Variants in EPB41 observed in about 807,000 individuals in gnomAD.
EPB41 encodes protein 4.1.
Under a neutral mutation model 108.0 loss-of-function variants are expected in EPB41, and 65 were observed. That is an observed-to-expected ratio of 0.60 (90% CI 0.49 to 0.74). EPB41 has a LOEUF of 0.74. Among genes scored for constraint, EPB41 ranks in the 30% least tolerant of loss-of-function variants. The probability of loss-of-function intolerance (pLI) is 0.00; values close to 1 mark genes in which losing one functional copy is unlikely to be tolerated. For synonymous variants in EPB41, 336 were observed against 358.9 expected (o/e 0.94, Z 0.72); for missense variants, 875 against 1,037.0 (o/e 0.84, Z 2.15).
chr1:28,890,983 G>T, intron 1 of EPB41: 1 of 985,480 alleles, frequency 1.0e-6, no homozygotes, highest in Non-Finnish European at 1.2e-6. Context: ...AACAAGCTGT[G>T]CTGCCTCTGT....
chr1:29,108,531 T>A (rs1343689340), intron 17 of EPB41, among the ~76,000 whole-genome samples: 1 of 151,978 alleles, frequency 6.6e-6, no homozygotes, highest in Non-Finnish European at 1.5e-5. Flanking sequence ...GAAGGAACTT[T>A]GTGCCCAGGG....
At chr1:29,096,833 G>GTCTT (rs56000641) in intron 16 of EPB41, 121,460 of 153,156 alleles carry the variant, frequency 0.79, 48,877 homozygotes, top group Non-Finnish European at 0.87. Flanking sequence ...CCAGCTGTCA[G>GTCTT]TATGAAGCTG....
At chr1:29,111,698 G>T (rs1411295855) in intron 18 of EPB41, among the ~76,000 whole-genome samples, 1 of 151,902 alleles carries the variant, frequency 6.6e-6, no homozygotes, top group East Asian at 1.9e-4. Context: ...AGTAATCAAG[G>T]CTGGATGTGG....
chr1:28,975,213 T>C (rs2095575920), intron 1 of EPB41, among the ~76,000 whole-genome samples: 1 of 152,130 alleles, frequency 6.6e-6, no homozygotes, highest in Admixed American at 6.5e-5. Context: ...ATTACAGGCG[T>C]GAGTTACCGT....
chr1:29,009,549 A>T (rs1391307142), intron 4 of EPB41, among the ~76,000 whole-genome samples: 1 of 152,202 alleles, frequency 6.6e-6, no homozygotes, highest in African/African-American at 2.4e-5. Context: ...ATGGTAAGAA[A>T]TACCTACTCC....
chr1:29,107,888 G>T (rs555067929), intron 17 of EPB41, among the ~76,000 whole-genome samples: 43 of 150,146 alleles, frequency 2.9e-4, no homozygotes, highest in Non-Finnish European at 5.0e-4. Context: ...AATTAGCCGG[G>T]CGTGGTGGCG....
At chr1:28,899,062 G>C (rs999404950) in intron 1 of EPB41, among the ~76,000 whole-genome samples, 1 of 152,152 alleles carries the variant, frequency 6.6e-6, no homozygotes, top group African/African-American at 2.4e-5. Context: ...ACGGACCTCA[G>C]ATCAAAGCAA....
At position 28,893,968 on chromosome 1, in the gene EPB41, G is replaced by A. The variant is rs1276147875; in HGVS notation, c.-8+6758G>A. The A allele has an allele frequency of 3.9e-5, 6 of 152,350 alleles. 1 individual carries two copies. In the South Asian group the frequency reaches 6.2e-4, roughly 16 times the overall value. 9.4% of individuals were successfully genotyped at this position (152,350 alleles called of 1,614,324 possible). On this transcript the variant is annotated intron_variant, in intron 1 of 16. Coordinates refer to the EPB41 transcript ENST00000347529. The stretch of plus-strand genomic sequence containing the variant: ...TGGAAATGCTGAGAGAGGGCACTCT[G>A]TGATTTTAGGATCCTACCATAAGCA...
chr1:28,934,667 TG>T (rs111820170), intron 1 of EPB41, among the ~76,000 whole-genome samples: 74 of 1,246 alleles, frequency 0.059, no homozygotes, highest in Non-Finnish European at 0.11. Context: ...CTTTTGACAT[TG>T]TGTGTGTGTG....
chr1:29,030,708 C>T (rs569535665), intron 8 of EPB41, among the ~76,000 whole-genome samples: 3 of 151,594 alleles, frequency 2.0e-5, no homozygotes, highest in East Asian at 3.9e-4. Context: ...TCCAGGAGAT[C>T]GAGCGTACAG....
In EPB41 at chr1:28,930,150, CTT is replaced by C. The variant is rs772932485; in HGVS notation, c.-8+15402_-8+15403del. 8.7e-3 allele frequency among the ~76,000 whole-genome samples: 1,062 copies of C among 122,604 alleles called. 11 individuals carry two copies. The highest frequency in any genetic ancestry group is 0.023 in the Middle Eastern group (5 of 216). The allele number at this position is 122,604 out of a possible 152,430, so 80.4% of individuals were successfully genotyped here. ...ATAGAATTATACAATATGTTGCTTC[CTT>C]TTTTTTTTTTTTTTTTTTTAAAGAA... is the stretch of plus-strand genomic sequence containing the variant. On this transcript the variant is annotated intron_variant, in intron 1 of 20. Transcript: ENST00000343067.
At chr1:29,089,939 G>T (rs968757769) in intron 16 of EPB41, among the ~76,000 whole-genome samples, 11 of 152,112 alleles carry the variant, frequency 7.2e-5, no homozygotes, top group Non-Finnish European at 8.8e-5. Context: ...ACCGTTGAGG[G>T]CATTTGTGGT....
At chr1:29,086,616 T>C (rs924790888) in intron 16 of EPB41, among the ~76,000 whole-genome samples, 6 of 152,080 alleles carry the variant, frequency 3.9e-5, no homozygotes, top group Admixed American at 3.9e-4. Flanking sequence ...CATTGGAAAA[T>C]ATAATTTTTA....
chr1:28,942,881 T>TTC (rs1437504161), intron 1 of EPB41, among the ~76,000 whole-genome samples: 1 of 152,166 alleles, frequency 6.6e-6, no homozygotes, highest in African/African-American at 2.4e-5. Context: ...ACTTTGGAGA[T>TTC]TCCAAGGGTT....
intron 17 of EPB41, among the ~76,000 whole-genome samples, chr1:29,104,100 T>C (rs977222688): frequency 3.9e-5 from 6 of 152,226 alleles, no homozygotes; most frequent in Non-Finnish European, 8.8e-5. Context: ...TAAATCGCCA[T>C]GTGCCTCAGT....
chr1:29,010,400 G>A (rs990921650), intron 4 of EPB41, among the ~76,000 whole-genome samples: 2 of 152,098 alleles, frequency 1.3e-5, no homozygotes, highest in East Asian at 3.9e-4. Flanking sequence ...GGAAGGGGAG[G>A]GATTAGGAAG....
chr1:29,020,650 A>G, intron 7 of EPB41, among the ~76,000 whole-genome samples: 1 of 152,016 alleles, frequency 6.6e-6, no homozygotes, highest in East Asian at 1.9e-4. Flanking sequence ...GATACTTGAA[A>G]TCTGTCTCTG....
intron 4 of EPB41, among the ~76,000 whole-genome samples, chr1:28,998,009 T>A (rs928727889): frequency 6.6e-6 from 1 of 152,164 alleles, no homozygotes; most frequent in Admixed American, 6.5e-5. Context: ...GTTTAACAAG[T>A]ATTTGCAGGT....
At chr1:29,068,889 T>C (rs909687380) in intron 16 of EPB41, 2 of 969,840 alleles carry the variant, frequency 2.1e-6, no homozygotes, top group African/African-American at 1.7e-5. Flanking sequence ...GAATACCTTT[T>C]TTTCTTTTGG....
Sources: allele counts gnomAD v4.1 joint callset (sites outside exome capture counted in the v4.1 genomes callset), GRCh38; gene constraint gnomAD v4.1.1; transcripts MANE v1.5; gene names NCBI Gene and HGNC (gene_info 2026-07-23, HGNC 2026-07-21).